Variants in DPYSL3 observed in about 807,000 individuals in gnomAD.
DPYSL3 encodes dihydropyrimidinase like 3.
In DPYSL3, 16 loss-of-function variants were observed where a neutral mutation model predicts 66.1. The ratio of observed to expected loss-of-function variants is 0.24; its 90% CI spans 0.16 to 0.37. The LOEUF is 0.37. Ranked by LOEUF, DPYSL3 falls within the 10% of genes least tolerant of loss-of-function variation. DPYSL3 has a pLI of 1.00. For missense variants in DPYSL3, 738 were observed against 916.2 expected (o/e 0.81, Z 2.51); for synonymous variants, 338 against 345.1 (o/e 0.98, Z 0.23).
intron 1 of DPYSL3, among the ~76,000 whole-genome samples, chr5:147,493,687 A>T (rs972736764): frequency 5.9e-5 from 9 of 152,232 alleles, no homozygotes; most frequent in African/African-American, 2.2e-4. Context: ...ATGGACATCT[A>T]TAGACTACTT....
chr5:147,453,719 G>T, intron 1 of DPYSL3: 1 of 1,315,558 alleles, frequency 7.6e-7, no homozygotes, highest in Non-Finnish European at 9.7e-7. Context: ...CGCCGCCTCC[G>T]CCCGCCTCCG....
intron 1 of DPYSL3, among the ~76,000 whole-genome samples, chr5:147,433,263 G>A (rs1421759304): frequency 2.0e-5 from 3 of 152,184 alleles, no homozygotes; most frequent in Non-Finnish European, 2.9e-5. Flanking sequence ...TACAGTAGAA[G>A]GATGAGATTA....
At chr5:147,398,549 G>A (rs1464551348) in intron 11 of DPYSL3, among the ~76,000 whole-genome samples, 1 of 152,190 alleles carries the variant, frequency 6.6e-6, no homozygotes, top group African/African-American at 2.4e-5. Flanking sequence ...TTTAACAACA[G>A]TGTCGAGCCC....
chr5:147,489,798 T>C (rs972767341), intron 1 of DPYSL3, among the ~76,000 whole-genome samples: 4 of 151,720 alleles, frequency 2.6e-5, no homozygotes, highest in African/African-American at 9.7e-5. Flanking sequence ...CACTGGAGAC[T>C]CCAAAAGTGG....
chr5:147,494,212 A>G (rs1274476977), intron 1 of DPYSL3, among the ~76,000 whole-genome samples: 1 of 152,210 alleles, frequency 6.6e-6, no homozygotes, highest in African/African-American at 2.4e-5. Context: ...TAGCTAAAGC[A>G]GTGCTTAGAG....
chr5:147,452,382 G>A (rs57204060), intron 1 of DPYSL3, among the ~76,000 whole-genome samples: 1,595 of 151,924 alleles, frequency 0.01, 36 homozygotes, highest in African/African-American at 0.037. Context: ...CCAGGGGCCA[G>A]CTGATCACTT....
chr5:147,453,164 G>A (rs189781380), intron 1 of DPYSL3, among the ~76,000 whole-genome samples: 2 of 152,200 alleles, frequency 1.3e-5, no homozygotes, highest in Admixed American at 6.5e-5. Flanking sequence ...AACCCAGCAC[G>A]GCCAAAAGGA....
intron 1 of DPYSL3, among the ~76,000 whole-genome samples, chr5:147,508,946 A>T (rs1027843386): frequency 2.1e-4 from 32 of 152,146 alleles, no homozygotes; most frequent in Admixed American, 1.1e-3. Flanking sequence ...CTCCACACCC[A>T]AAAGTTTCAG....
In DPYSL3 at chr5:147,509,552, G is replaced by C. The variant is rs376039119; in HGVS notation, c.307C>G (p.Pro103Ala). Reference sequence around the variant, plus strand: ...CGGATCTCTACCCCGGCGGGGGCGGGGGAGGCGGGCGCGGGCTCCCTGCTC... The same window carrying C: ...CGGATCTCTACCCCGGCGGGGGCGGCGGAGGCGGGCGCGGGCTCCCTGCTC... ...EESREPAPAS[P>A]APAGVEIRSA... Residue 103 changes from proline to alanine, a missense_variant, in exon 1 of 14, where the codon CCC (proline) becomes GCC (alanine). Pro to Ala is a conservative substitution (Grantham distance 27, BLOSUM62 -1). Coordinates refer to ENST00000343218, the MANE Select transcript of DPYSL3 (RefSeq NM_001197294.2). This position sits in a 1 kb window ranked among gnomAD's most constrained non-coding sequence, Gnocchi z 5.3. 4.2e-5 allele frequency: 64 copies of C among 1,535,028 alleles called. No homozygotes were observed. In the East Asian group the frequency reaches 1.2e-3, roughly 29 times the overall value.
chr5:147,416,996 T>C (rs935911371), intron 3 of DPYSL3, among the ~76,000 whole-genome samples: 1 of 152,136 alleles, frequency 6.6e-6, no homozygotes, highest in Non-Finnish European at 1.5e-5. Flanking sequence ...TTTGGCCAAA[T>C]AGGATTTTAA....
rs1752166536 is a variant in DPYSL3 at position 147,424,878 on chromosome 5, A to C, written c.467T>G (p.Ile156Arg). Residue 156 changes from isoleucine to arginine, a missense_variant, in exon 2 of 14, where the codon ATA becomes AGA. Ile to Arg is a moderately conservative substitution (Grantham distance 97, BLOSUM62 -3). Transcript: ENST00000343218. ...GAGAAGAATTCCATATACATACTTT[A>C]TTAAGCCATCTTCCATGTAAATATC... ...YADIYMEDGL[I>R]KQIGDNLIVP... 6.2e-7 allele frequency: 1 copy of C among 1,607,648 alleles called. No individual in the cohort carries two copies.
At chr5:147,404,512 C>T (rs1393038193) in intron 8 of DPYSL3, among the ~76,000 whole-genome samples, 1 of 152,164 alleles carries the variant, frequency 6.6e-6, no homozygotes, top group Non-Finnish European at 1.5e-5. Flanking sequence ...CCAGAATGGC[C>T]ACTGGCACGC....
intron 1 of DPYSL3, among the ~76,000 whole-genome samples, chr5:147,432,214 A>G (rs1008804757): frequency 6.6e-6 from 1 of 152,232 alleles, no homozygotes; most frequent in Admixed American, 6.5e-5. Context: ...GAAGCAGAAT[A>G]CATAACACAT....
intron 4 of DPYSL3, 150 bp from the exon 5 acceptor site, chr5:147,413,807 G>A (rs1751904891): frequency 3.0e-6 from 2 of 674,038 alleles, no homozygotes; most frequent in East Asian, 2.7e-5. Context: ...TATTCTTCAA[G>A]AGCATTTTGC....
intron 1 of DPYSL3, among the ~76,000 whole-genome samples, chr5:147,488,024 A>G (rs7736889): frequency 0.036 from 5,534 of 152,248 alleles, 342 homozygotes; most frequent in African/African-American, 0.12. Flanking sequence ...TTATTCACTA[A>G]CTGTTTTTTT....
intron 1 of DPYSL3, among the ~76,000 whole-genome samples, chr5:147,459,574 C>G (rs1466225370): frequency 6.6e-6 from 1 of 151,316 alleles, no homozygotes; most frequent in Non-Finnish European, 1.5e-5. Flanking sequence ...AACTGGTAAA[C>G]AAACTAACCT....
chr5:147,461,998 G>A (rs577563758), intron 1 of DPYSL3, among the ~76,000 whole-genome samples: 2 of 151,678 alleles, frequency 1.3e-5, no homozygotes, highest in Non-Finnish European at 2.9e-5. Flanking sequence ...GAATGGCAGA[G>A]GTTAGCAGCA....
rs769836302 is a variant in DPYSL3, at chr5:147,444,426, G to C, written c.382-19463C>G. On this transcript the variant is annotated intron_variant, in intron 1 of 13. Transcript: ENST00000343218. ...TATTCTTATTATTAAACTAACTTTTGCCAGAGCTTATGGTCAATAAATATC... is the reference window on the plus strand; with the variant it reads ...TATTCTTATTATTAAACTAACTTTTCCCAGAGCTTATGGTCAATAAATATC... Among the ~76,000 whole-genome samples, 61 of 152,224 alleles carry C rather than the reference G, an allele frequency of 4.0e-4. No individual in the cohort carries two copies. In the Middle Eastern group the frequency reaches 0.01, roughly 25 times the overall value.
chr5:147,497,350 T>C (rs1028954967), intron 1 of DPYSL3, among the ~76,000 whole-genome samples: 1 of 151,864 alleles, frequency 6.6e-6, no homozygotes, highest in Non-Finnish European at 1.5e-5. Flanking sequence ...TGTATACATA[T>C]GTAATAAACC....
Sources: allele counts gnomAD v4.1 joint callset (sites outside exome capture counted in the v4.1 genomes callset), GRCh38; gene constraint gnomAD v4.1.1; non-coding constraint Gnocchi (gnomAD v3.1); transcripts MANE v1.5; gene names NCBI Gene and HGNC (gene_info 2026-07-23, HGNC 2026-07-21).